MARCHF1: variants seen among roughly 807,000 people sequenced by gnomAD.
MARCHF1 encodes the protein E3 ubiquitin-protein ligase MARCHF1.
Under a neutral mutation model 54.2 loss-of-function variants are expected in MARCHF1, and 40 were observed. That is an observed-to-expected ratio of 0.74 (90% confidence interval 0.57 to 0.96). MARCHF1 has a LOEUF of 0.96. Ranked by LOEUF, MARCHF1 falls within the 40% of genes least tolerant of loss-of-function variation. The pLI is 0.00. For synonymous variants in MARCHF1, 236 were observed against 236.3 expected, an observed-to-expected ratio of 1.00 and a Z score of 0.01; for missense variants, 586 against 656.5, an observed-to-expected ratio of 0.89 and a Z score of 1.17.
chr4:164,079,530 C>T (rs1026791320), intron 2 of MARCHF1, among the ~76,000 whole-genome samples: 9 of 151,944 alleles, frequency 5.9e-5, no homozygotes, highest in South Asian at 4.2e-4. Flanking sequence ...TAATAGAGTT[C>T]GTATACAATT....
At chr4:163,747,979 A>G (rs566747958) in intron 4 of MARCHF1, among the ~76,000 whole-genome samples, 20 of 152,294 alleles carry the variant, frequency 1.3e-4, no homozygotes, top group African/African-American at 4.6e-4. Context: ...GTGCAGGTAC[A>G]ATGCCAAAAA....
intron 1 of MARCHF1, among the ~76,000 whole-genome samples, chr4:164,183,037 T>C (rs1414844456): frequency 2.0e-5 from 3 of 152,060 alleles, no homozygotes; most frequent in African/African-American, 7.2e-5. Context: ...CTCAGCCTAA[T>C]ATTAAAAAGT....
rs116553488 is a variant in MARCHF1, at chr4:163,750,651, C to G, written c.112-49788G>C. Among the ~76,000 whole-genome samples the G allele has an allele frequency of 1.2e-3, 178 of 152,250 alleles. 1 individual carries two copies. The highest frequency in any genetic ancestry group is 4.2e-3 in the African/African-American group (174 of 41,558). On this transcript the variant is annotated intron_variant, in intron 4 of 9. Transcript: ENST00000514618. ...AATAATTTCAAGCACACACAAACTCCTCCAGAGAATAACAAAGAACCACTT... is the reference window on the plus strand; with the variant it reads ...AATAATTTCAAGCACACACAAACTCGTCCAGAGAATAACAAAGAACCACTT...
At chr4:163,753,511 TTG>T (rs1186258604) in intron 4 of MARCHF1, among the ~76,000 whole-genome samples, 2 of 152,078 alleles carry the variant, frequency 1.3e-5, no homozygotes. Flanking sequence ...AGAGAAGATA[TTG>T]TCATAAATAG....
At chr4:164,265,881 C>G (rs1476878035) in intron 1 of MARCHF1, among the ~76,000 whole-genome samples, 1 of 152,178 alleles carries the variant, frequency 6.6e-6, no homozygotes, top group Non-Finnish European at 1.5e-5. Flanking sequence ...CTAACTGCCT[C>G]CCTTCTCCAA....
At chr4:164,239,845 T>C (rs1732676210) in intron 1 of MARCHF1, among the ~76,000 whole-genome samples, 1 of 152,178 alleles carries the variant, frequency 6.6e-6, no homozygotes, top group African/African-American at 2.4e-5. Context: ...GAACATAGTG[T>C]TGATTTTATA....
chr4:163,945,708 G>C (rs146410740), intron 3 of MARCHF1, among the ~76,000 whole-genome samples: 14 of 152,164 alleles, frequency 9.2e-5, no homozygotes, highest in Admixed American at 8.5e-4. Flanking sequence ...GAGTAATCTT[G>C]ATATTTCAAT....
chr4:163,805,039 C>T (rs1579300253), intron 4 of MARCHF1, among the ~76,000 whole-genome samples: 1 of 151,978 alleles, frequency 6.6e-6, no homozygotes, highest in African/African-American at 2.4e-5. Flanking sequence ...ACATTAGCTA[C>T]CTGCATAATC....
At chr4:163,657,163 A>G (rs1743177884) in intron 5 of MARCHF1, among the ~76,000 whole-genome samples, 1 of 152,082 alleles carries the variant, frequency 6.6e-6, no homozygotes, top group Non-Finnish European at 1.5e-5. Flanking sequence ...AGAAAACCCC[A>G]TTGTCTCAGC....
chr4:164,329,644 G>A (rs952413248), intron 1 of MARCHF1, among the ~76,000 whole-genome samples: 4 of 152,222 alleles, frequency 2.6e-5, no homozygotes, highest in African/African-American at 7.2e-5. Flanking sequence ...AGCAGCATCT[G>A]CTTATGGGGA....
At chr4:164,251,191 A>G (rs749541520) in intron 1 of MARCHF1, among the ~76,000 whole-genome samples, 22 of 152,190 alleles carry the variant, frequency 1.4e-4, no homozygotes, top group Non-Finnish European at 2.6e-4. Context: ...TTTCCCTAAC[A>G]AAACCTCTTT....
chr4:163,871,269 A>T lies in MARCHF1; in HGVS notation c.-38-17100T>A, dbSNP rs1170460022. 2.6e-5 allele frequency among the ~76,000 whole-genome samples: 4 copies of T among 152,198 alleles called. No individual in the cohort carries two copies. In the South Asian group the frequency reaches 6.2e-4, roughly 24 times the overall value. ...GCGTTATGATGTGACACTCATTCACAATCATATCTGAAGAGTCAGCACAAA... is the reference window on the plus strand; with the variant it reads ...GCGTTATGATGTGACACTCATTCACTATCATATCTGAAGAGTCAGCACAAA... On this transcript the variant is annotated intron_variant, in intron 3 of 9. Transcript: ENST00000514618.
At chr4:163,599,297 T>TTA (rs150458467) in intron 7 of MARCHF1, among the ~76,000 whole-genome samples, 119,972 of 146,714 alleles carry the variant, frequency 0.82, 49,521 homozygotes, top group Admixed American at 0.9. Flanking sequence ...CTCAAAAAAA[T>TTA]TATATATATA....
chr4:163,700,707 T>TC (rs1318747850), intron 5 of MARCHF1, 106 bp downstream of exon 5: 1 of 830,436 alleles, frequency 1.2e-6, no homozygotes, highest in African/African-American at 1.7e-5. Context: ...CAAATCACAT[T>TC]TGTGTTCTGC....
At chr4:164,184,018 G>A (rs1730901387) in intron 1 of MARCHF1, among the ~76,000 whole-genome samples, 1 of 152,166 alleles carries the variant, frequency 6.6e-6, no homozygotes, top group Non-Finnish European at 1.5e-5. Context: ...GCCTCTTGGA[G>A]TACAATCTTC....
Position 163,613,051 on chromosome 4 carries a change from G to T in MARCHF1, c.243-13C>A. On this transcript the variant is annotated splice_polypyrimidine_tract_variant and intron_variant, in intron 6 of 9. Coordinates refer to ENST00000514618, the MANE Select transcript of MARCHF1 (RefSeq NM_001394959.1). ...CAAGATGGCAGATCTAGACAGAGCA[G>T]CAGGCAAAGGATGGGAAATGGGAAT... is the stretch of plus-strand genomic sequence containing the variant. 3.4e-6 allele frequency: 5 copies of T among 1,461,944 alleles called. No homozygotes were observed. The highest frequency in any genetic ancestry group is 1.4e-5 in the African/African-American group (1 of 70,156). The allele number at this position is 1,461,944 out of a possible 1,614,324, so 90.6% of individuals were successfully genotyped here. A position where few individuals can be genotyped will look rare whatever the true frequency, so the allele number is the denominator to read the frequency against.
chr4:164,009,987 A>T (rs767850602), intron 2 of MARCHF1, among the ~76,000 whole-genome samples: 12 of 152,084 alleles, frequency 7.9e-5, no homozygotes, highest in Non-Finnish European at 1.6e-4. Context: ...GAATTAGAAA[A>T]AAAGAAGTCA....
chr4:163,793,839 T>G (rs957658084), intron 4 of MARCHF1, among the ~76,000 whole-genome samples: 1 of 152,100 alleles, frequency 6.6e-6, no homozygotes, highest in Admixed American at 6.6e-5. Context: ...GACCCTCTCA[T>G]GCAGACCCCC....
intron 4 of MARCHF1, among the ~76,000 whole-genome samples, chr4:163,767,118 AAAG>A: frequency 6.7e-6 from 1 of 149,808 alleles, no homozygotes; most frequent in Middle Eastern, 3.5e-3. Flanking sequence ...AAAAAAAAAA[AAAG>A]TCTTATCCAA....
Sources: allele counts gnomAD v4.1 joint callset (sites outside exome capture counted in the v4.1 genomes callset), GRCh38; gene constraint gnomAD v4.1.1; transcripts MANE v1.5; gene names NCBI Gene and HGNC (gene_info 2026-07-23, HGNC 2026-07-21).